The following STK3 variants were observed in gnomAD, a reference collection of about 807,000 sequenced individuals.
STK3 encodes the protein serine/threonine-protein kinase 3.
Under a neutral mutation model 58.0 loss-of-function variants are expected in STK3, and 41 were observed. That is an observed-to-expected ratio of 0.71 (90% confidence interval 0.55 to 0.92). The LOEUF is 0.92. Ranked by LOEUF, STK3 falls within the 40% of genes least tolerant of loss-of-function variation. The pLI, the probability that STK3 is intolerant of heterozygous loss-of-function variation, is 0.00. For synonymous variants in STK3, 170 were observed against 191.0 expected (o/e 0.89, Z 0.91); for missense variants, 479 against 602.7 (o/e 0.79, Z 2.15).
At chr8:98,558,684 CTTCA>C (rs1489806882) in intron 8 of STK3, among the ~76,000 whole-genome samples, 4 of 151,688 alleles carry the variant, frequency 2.6e-5, no homozygotes, top group East Asian at 1.9e-4. Flanking sequence ...TTTTTCTTTT[CTTCA>C]TTCTTTCTTT....
chr8:98,381,329 T>C (rs1817731357), intron 1 of STK3, among the ~76,000 whole-genome samples: 1 of 152,194 alleles, frequency 6.6e-6, no homozygotes, highest in South Asian at 2.1e-4. Context: ...CCAGGGGCCC[T>C]GAGATCTGCA....
Position 98,420,561 on chromosome 8 carries a change from C to T in STK3, n.483+13566G>A, listed in dbSNP as rs188455668. On this transcript the variant is annotated intron_variant and non_coding_transcript_variant, in intron 3 of 3. Transcript: ENST00000517832. ...ATCCCCTGCAGATAAGGGGGGAATGCTGTATTATGTTAAGTCCCTGGGATT... is the reference window on the plus strand; with the variant it reads ...ATCCCCTGCAGATAAGGGGGGAATGTTGTATTATGTTAAGTCCCTGGGATT... Among the ~76,000 whole-genome samples, 4 of 152,230 alleles carry T rather than the reference C, an allele frequency of 2.6e-5. No individual in the cohort carries two copies. In the East Asian group the frequency reaches 7.7e-4, roughly 29 times the overall value.
intron 1 of STK3, among the ~76,000 whole-genome samples, chr8:98,447,205 A>G (rs535551706): frequency 2.0e-4 from 31 of 152,078 alleles, no homozygotes; most frequent in Non-Finnish European, 4.0e-4. Context: ...GGATTTACCT[A>G]TGTAACAAAC....
intron 10 of STK3, among the ~76,000 whole-genome samples, chr8:98,501,262 T>C (rs1823572235): frequency 3.9e-5 from 6 of 152,120 alleles, no homozygotes; most frequent in Admixed American, 3.9e-4. Context: ...GTTTTTTTTT[T>C]CTTGTCAATT....
intron 6 of STK3, among the ~76,000 whole-genome samples, chr8:98,671,596 T>G (rs1822837340): frequency 6.6e-6 from 1 of 152,094 alleles, no homozygotes; most frequent in Non-Finnish European, 1.5e-5. Flanking sequence ...TTTTGTTTTT[T>G]TGGGACAGGG....
At chr8:98,714,647 G>GC in intron 4 of STK3, among the ~76,000 whole-genome samples, 1 of 152,140 alleles carries the variant, frequency 6.6e-6, no homozygotes, top group East Asian at 1.9e-4. Flanking sequence ...ACAAACAAAT[G>GC]CAAGAACATT....
At chr8:98,422,946 T>C (rs1224350299) in intron 3 of STK3, among the ~76,000 whole-genome samples, 2 of 152,168 alleles carry the variant, frequency 1.3e-5, no homozygotes, top group Admixed American at 6.5e-5. Context: ...TCTAGGAGGA[T>C]TGGCTAAATT....
At chr8:98,819,601 T>TC (rs34014422) in intron 1 of STK3, among the ~76,000 whole-genome samples, 1 of 152,206 alleles carries the variant, frequency 6.6e-6, no homozygotes, top group Non-Finnish European at 1.5e-5. Flanking sequence ...TTGGTTCTTT[T>TC]CCCCTTGGAC....
chr8:98,709,282 G>T (rs937057846), intron 4 of STK3, among the ~76,000 whole-genome samples: 1 of 151,908 alleles, frequency 6.6e-6, no homozygotes, highest in African/African-American at 2.4e-5. Flanking sequence ...ATTCAAGAAG[G>T]CCCAAAAGAC....
intron 6 of STK3, among the ~76,000 whole-genome samples, chr8:98,658,622 C>T (rs936474291): frequency 4.6e-5 from 7 of 151,848 alleles, no homozygotes; most frequent in African/African-American, 1.2e-4. Flanking sequence ...CTGACGCTTC[C>T]CTTCTAGGTC....
chr8:98,885,412 G>A (rs1837945549), intron 1 of STK3, among the ~76,000 whole-genome samples: 1 of 152,128 alleles, frequency 6.6e-6, no homozygotes, highest in African/African-American at 2.4e-5. Context: ...AGAGTTTTAT[G>A]ATTTAGGTTT....
intron 4 of STK3, among the ~76,000 whole-genome samples, chr8:98,711,318 C>A (rs1044574477): frequency 5.9e-5 from 9 of 152,184 alleles, no homozygotes; most frequent in African/African-American, 2.2e-4. Context: ...AAGAAGGCTT[C>A]TGATGATCGA....
chr8:98,402,314 T>G (rs1287942581), intron 3 of STK3, among the ~76,000 whole-genome samples: 1 of 152,156 alleles, frequency 6.6e-6, no homozygotes, highest in African/African-American at 2.4e-5. Flanking sequence ...AAGATCTGCA[T>G]ACCACTGTGG....
At chr8:98,407,743 TGTGTGTGTGTGTGTGCGCGCGCGC>T (rs960221174) in intron 3 of STK3, among the ~76,000 whole-genome samples, 1 of 122,086 alleles carries the variant, frequency 8.2e-6, no homozygotes, top group Non-Finnish European at 1.9e-5. Flanking sequence ...TGTGTGTGTG[TGTGTGTGTGTGTGTGCGCGCGCGC>T]GCGCATGCAT....
chr8:98,803,500 AGGAGAAT>A (rs770269212), intron 1 of STK3, among the ~76,000 whole-genome samples: 57 of 148,656 alleles, frequency 3.8e-4, no homozygotes, highest in Non-Finnish European at 8.2e-4. Flanking sequence ...AGGCTAAGGT[AGGAGAAT>A]GACATGAACC....
At chr8:98,440,264 T>TCAGCTC (rs1024579731) in intron 1 of STK3, among the ~76,000 whole-genome samples, 6 of 152,192 alleles carry the variant, frequency 3.9e-5, no homozygotes, top group African/African-American at 1.4e-4. Flanking sequence ...GCAGGGCCTT[T>TCAGCTC]CAGCTCCAGC....
intron 1 of STK3, among the ~76,000 whole-genome samples, chr8:98,788,280 A>G (rs1832594491): frequency 6.6e-6 from 1 of 151,940 alleles, no homozygotes; most frequent in Non-Finnish European, 1.5e-5. Flanking sequence ...TCTACTAAAA[A>G]TACAAAAATT....
Position 98,488,850 on chromosome 8 carries a change from A to T in STK3, c.1318-32850T>A, listed in dbSNP as rs75690202. Among the ~76,000 whole-genome samples the T allele has an allele frequency of 2.2e-3, 333 of 152,350 alleles. 5 individuals carry two copies. In the East Asian group the frequency reaches 0.046, roughly 21 times the overall value. ...CAGGCATACAGTCATTCGGAATAAAAGCAACACTTTCGGTCTCTATTGCAA... is the reference window on the plus strand; with the variant it reads ...CAGGCATACAGTCATTCGGAATAAATGCAACACTTTCGGTCTCTATTGCAA... On this transcript the variant is annotated intron_variant, in intron 10 of 10. Coordinates refer to ENST00000419617, the MANE Select transcript of STK3 (RefSeq NM_006281.4).
chr8:98,393,966 C>G (rs974566331), intron 3 of STK3, among the ~76,000 whole-genome samples: 1 of 152,196 alleles, frequency 6.6e-6, no homozygotes, highest in Non-Finnish European at 1.5e-5. Context: ...GAGGCTGAAG[C>G]ACTAAGAGAG....
Sources: allele counts gnomAD v4.1 joint callset (sites outside exome capture counted in the v4.1 genomes callset), GRCh38; gene constraint gnomAD v4.1.1; transcripts MANE v1.5; gene names NCBI Gene and HGNC (gene_info 2026-07-23, HGNC 2026-07-21).